The following NLGN4Y variants were observed in gnomAD, a reference collection of about 807,000 sequenced individuals.
The protein encoded by NLGN4Y is neuroligin-4, Y-linked.
NLGN4Y carries 4 observed loss-of-function variants against 8.4 expected under a neutral mutation model. The ratio of observed to expected loss-of-function variants is 0.48; its 90% CI spans 0.23 to 1.09. NLGN4Y has a LOEUF of 1.09. Ranked by LOEUF, NLGN4Y falls within the 50% of genes least tolerant of loss-of-function variation. The pLI is 0.19. For missense variants in NLGN4Y, 90 were observed against 192.3 expected, an observed-to-expected ratio of 0.47 and a Z score of 3.15; for synonymous variants, 35 against 75.6, an observed-to-expected ratio of 0.46 and a Z score of 2.78.
chrY:14,695,318 C>A, intron 2 of NLGN4Y, among the ~76,000 whole-genome samples: 14 of 33,663 alleles, frequency 4.2e-4, no homozygotes, highest in Admixed American at 3.8e-3. Context: ...ACATAATGTT[C>A]TTTAATCCTA....
At chrY:14,682,523 C>T (rs2080774499) in intron 2 of NLGN4Y, among the ~76,000 whole-genome samples, 1 of 32,864 alleles carries the variant, frequency 3.0e-5, no homozygotes, top group Non-Finnish European at 7.5e-5. Flanking sequence ...TGGCCATAAG[C>T]CAAAGTTCTA....
chrY:14,530,623 A>G (rs2080107658), intron 1 of NLGN4Y, among the ~76,000 whole-genome samples: 1 of 33,041 alleles, frequency 3.0e-5, no homozygotes, highest in African/African-American at 1.2e-4. Flanking sequence ...TCTTTCATGG[A>G]GCAATTGACA....
chrY:14,769,941 G>C, intron 4 of NLGN4Y, among the ~76,000 whole-genome samples: 1 of 33,220 alleles, frequency 3.0e-5, no homozygotes, highest in African/African-American at 1.2e-4. Context: ...TGGACAGTTA[G>C]AACTCATCGG....
chrY:14,588,967 T>C (rs760033695), intron 1 of NLGN4Y, among the ~76,000 whole-genome samples: 10 of 32,916 alleles, frequency 3.0e-4, no homozygotes, highest in African/African-American at 1.2e-3. Context: ...GGAGTGAAGC[T>C]GCAGATCTTC....
chrY:14,712,171 G>A, intron 2 of NLGN4Y, among the ~76,000 whole-genome samples: 1 of 32,383 alleles, frequency 3.1e-5, no homozygotes, highest in African/African-American at 1.2e-4. Flanking sequence ...GAAGCCATAA[G>A]TTATCTAAGG....
intron 1 of NLGN4Y, among the ~76,000 whole-genome samples, chrY:14,584,908 G>C: frequency 3.1e-5 from 1 of 31,993 alleles, no homozygotes; most frequent in African/African-American, 1.2e-4. Context: ...AGTTCAAGTT[G>C]CCAGCCTGGA....
chrY:14,832,993 C>T (rs1603504473), intron 6 of NLGN4Y, among the ~76,000 whole-genome samples: 1 of 32,509 alleles, frequency 3.1e-5, no homozygotes, highest in Non-Finnish European at 7.5e-5. Context: ...TCTATTTCAC[C>T]CCTACGGCCT....
intron 1 of NLGN4Y, among the ~76,000 whole-genome samples, chrY:14,597,332 G>A: frequency 3.1e-5 from 1 of 32,670 alleles, no homozygotes; most frequent in African/African-American, 1.2e-4. Context: ...CCACAGTGTG[G>A]AAGAGGACCG....
chrY:14,744,549 C>G (rs2081018782), intron 4 of NLGN4Y, among the ~76,000 whole-genome samples: 1 of 33,318 alleles, frequency 3.0e-5, no homozygotes, highest in Non-Finnish European at 7.4e-5. Flanking sequence ...TAAGTAAAGC[C>G]CAGTGCGCTC....
At chrY:14,588,876 G>A in intron 1 of NLGN4Y, among the ~76,000 whole-genome samples, 2 of 31,818 alleles carry the variant, frequency 6.3e-5, no homozygotes, top group South Asian at 7.8e-4. Flanking sequence ...GCAGACCTTC[G>A]CGGTGAGTGT....
intron 1 of NLGN4Y, among the ~76,000 whole-genome samples, chrY:14,537,953 T>C: frequency 3.0e-5 from 1 of 32,934 alleles, no homozygotes. Context: ...TATAGAAAAA[T>C]GTTCAAGTAT....
intron 5 of NLGN4Y, among the ~76,000 whole-genome samples, chrY:14,825,728 C>A: frequency 6.2e-5 from 2 of 32,013 alleles, no homozygotes; most frequent in South Asian, 7.3e-4. Context: ...CTCTACTTGT[C>A]CCCGTGGGAG....
chrY:14,755,176 T>G (rs1006895048), intron 4 of NLGN4Y, among the ~76,000 whole-genome samples: 1 of 33,718 alleles, frequency 3.0e-5, no homozygotes, highest in Non-Finnish European at 7.3e-5. Context: ...GTTATTGAAT[T>G]GTGGCAAATT....
At chrY:14,783,136 T>C in intron 4 of NLGN4Y, among the ~76,000 whole-genome samples, 1 of 33,970 alleles carries the variant, frequency 2.9e-5, no homozygotes, top group African/African-American at 1.1e-4. Context: ...CTGTGTTATT[T>C]ATAATCTTAG....
chrY:14,730,011 T>C, intron 4 of NLGN4Y, among the ~76,000 whole-genome samples: 1 of 33,851 alleles, frequency 3.0e-5, no homozygotes, highest in Non-Finnish European at 7.3e-5. Context: ...ATGTATATAC[T>C]TGCTGACAAA....
intron 5 of NLGN4Y, 114 bp downstream of exon 5, chrY:14,824,487 C>A: frequency 4.4e-6 from 1 of 224,754 alleles, no homozygotes; most frequent in Non-Finnish European, 7.3e-6. Flanking sequence ...GTGGAAATTG[C>A]AACAGAAAAT....
intron 2 of NLGN4Y, among the ~76,000 whole-genome samples, chrY:14,690,013 G>A (rs2080804159): frequency 3.0e-5 from 1 of 33,063 alleles, no homozygotes; most frequent in African/African-American, 1.2e-4. Flanking sequence ...TCTGAAGGAT[G>A]GTGGATCTGA....
chrY:14,627,190 A>G, intron 2 of NLGN4Y, among the ~76,000 whole-genome samples: 2 of 26,342 alleles, frequency 7.6e-5, no homozygotes, highest in African/African-American at 2.9e-4. Flanking sequence ...CAATCTTAAG[A>G]AAAAAAAAAA....
At chrY:14,567,088 G>C in intron 1 of NLGN4Y, among the ~76,000 whole-genome samples, 1 of 33,370 alleles carries the variant, frequency 3.0e-5, no homozygotes, top group Non-Finnish European at 7.4e-5. Context: ...GTAAGCAGTA[G>C]ATCTAGTTAG....
Sources: allele counts gnomAD v4.1 joint callset (sites outside exome capture counted in the v4.1 genomes callset), GRCh38; gene constraint gnomAD v4.1.1; transcripts MANE v1.5; gene names NCBI Gene and HGNC (gene_info 2026-07-23, HGNC 2026-07-21).